CSMD1: variants seen among roughly 807,000 people sequenced by gnomAD.
The protein encoded by CSMD1 is CUB and Sushi multiple domains 1, also known as CUB and sushi domain-containing protein 1.
CSMD1 carries 213 observed loss-of-function variants against 417.5 expected under a neutral mutation model. The observed-to-expected ratio is 0.51, with a 90% CI of 0.46 to 0.57. The LOEUF (loss-of-function observed/expected upper bound fraction) is 0.57. Among genes scored for constraint, CSMD1 ranks in the 20% least tolerant of loss-of-function variants. The pLI, the probability that CSMD1 is intolerant of heterozygous loss-of-function variation, is 0.00. For synonymous variants in CSMD1, 2,862 were observed against 1,736.8 expected, an observed-to-expected ratio of 1.65 and a Z score of -16.11; for missense variants, 6,923 against 4,529.7, an observed-to-expected ratio of 1.53 and a Z score of -15.17.
intron 3 of CSMD1, among the ~76,000 whole-genome samples, chr8:4,415,882 T>C (rs80152563): frequency 0.048 from 7,375 of 152,228 alleles, 591 homozygotes; most frequent in African/African-American, 0.17. Context: ...AAACAGTGAG[T>C]GTATAAGGAT....
At chr8:3,358,117 T>C (rs1236986971) in intron 21 of CSMD1, among the ~76,000 whole-genome samples, 2 of 152,198 alleles carry the variant, frequency 1.3e-5, no homozygotes, top group East Asian at 3.9e-4. Flanking sequence ...TTATGCTAAG[T>C]GAACATGTTT....
chr8:3,773,738 T>C lies in CSMD1; in HGVS notation c.819-19696A>G, dbSNP rs552027996. Among the ~76,000 whole-genome samples the C allele has an allele frequency of 4.6e-5, 7 of 152,316 alleles. No individual in the cohort carries two copies. The East Asian group carries it at 1.4e-3, about 29-fold the overall frequency. On this transcript the variant is annotated intron_variant, in intron 5 of 69. Transcript: ENST00000635120. ...AAATTGATGATGAGGAGGGCAAGCATGATGGGCGGTGACACTAACCCAGAA... is the reference window on the plus strand; with the variant it reads ...AAATTGATGATGAGGAGGGCAAGCACGATGGGCGGTGACACTAACCCAGAA...
At chr8:3,328,569 T>G (rs1806688166) in intron 23 of CSMD1, among the ~76,000 whole-genome samples, 1 of 152,206 alleles carries the variant, frequency 6.6e-6, no homozygotes, top group Admixed American at 6.5e-5. Flanking sequence ...ACAGCAATGA[T>G]CAGTTTCAAT....
rs143491083 is a variant in CSMD1, at chr8:4,527,948, G to C, written c.303-107883C>G. On this transcript the variant is annotated intron_variant, in intron 2 of 69. Transcript: ENST00000635120. ...TCCTGAGGGTGTGCTGACTGGCCCA[G>C]GGCACTCTGGATTGTATTCAGTCTC... is the stretch of plus-strand genomic sequence containing the variant. Among the ~76,000 whole-genome samples, 245 of 152,246 alleles carry C rather than the reference G, an allele frequency of 1.6e-3. 1 individual carries two copies. Among genetic ancestry groups the C allele is most frequent in the African/African-American group, 5.7e-3 (236 of 41,540 alleles).
At chr8:3,904,291 G>A (rs1807960866) in intron 5 of CSMD1, among the ~76,000 whole-genome samples, 1 of 152,114 alleles carries the variant, frequency 6.6e-6, no homozygotes, top group Non-Finnish European at 1.5e-5. Context: ...TCTTCCTGGA[G>A]GACACCCCTT....
At chr8:4,864,311 G>A (rs189022424) in intron 1 of CSMD1, among the ~76,000 whole-genome samples, 8 of 151,498 alleles carry the variant, frequency 5.3e-5, no homozygotes, top group African/African-American at 7.3e-5. Context: ...AACTAAAAAA[G>A]GATGATGCCA....
At chr8:3,880,617 T>C (rs1806143482) in intron 5 of CSMD1, among the ~76,000 whole-genome samples, 1 of 152,232 alleles carries the variant, frequency 6.6e-6, no homozygotes, top group African/African-American at 2.4e-5. Context: ...GATTCTCCAT[T>C]TTAAATCTAG....
chr8:3,643,892 T>A (rs899060121), intron 7 of CSMD1, among the ~76,000 whole-genome samples: 1 of 152,198 alleles, frequency 6.6e-6, no homozygotes, highest in African/African-American at 2.4e-5. Context: ...TTTGATTTGC[T>A]ATCTGGGCAA....
chr8:4,463,578 A>G (rs947937104), intron 2 of CSMD1, among the ~76,000 whole-genome samples: 2 of 151,920 alleles, frequency 1.3e-5, no homozygotes, highest in African/African-American at 4.8e-5. Flanking sequence ...GAAATACAGA[A>G]GAAGTGAACT....
chr8:4,274,668 A>C (rs933964527), intron 3 of CSMD1, among the ~76,000 whole-genome samples: 1 of 152,154 alleles, frequency 6.6e-6, no homozygotes, highest in African/African-American at 2.4e-5. Context: ...TACTTAAAAT[A>C]AAATTAAATG....
At chr8:4,678,025 A>C (rs1393955736) in intron 1 of CSMD1, among the ~76,000 whole-genome samples, 1 of 152,208 alleles carries the variant, frequency 6.6e-6, no homozygotes, top group Non-Finnish European at 1.5e-5. Flanking sequence ...TATAAAACCA[A>C]ATGGGAACTA....
chr8:2,969,003 C>T (rs533575353), intron 57 of CSMD1, among the ~76,000 whole-genome samples: 13 of 151,968 alleles, frequency 8.6e-5, no homozygotes, highest in Non-Finnish European at 1.6e-4. Context: ...ATTTTGCATG[C>T]TACATGACAA....
At chr8:3,923,055 A>G (rs956991470) in intron 5 of CSMD1, among the ~76,000 whole-genome samples, 3 of 152,098 alleles carry the variant, frequency 2.0e-5, no homozygotes, top group Admixed American at 2.0e-4. Flanking sequence ...AAACAAGTTG[A>G]CCCTTTTGTG....
In CSMD1 at chr8:3,165,394, G is replaced by T. The variant is rs370822618; in HGVS notation, c.5726-3117C>A. 2.6e-5 allele frequency among the ~76,000 whole-genome samples: 4 copies of T among 151,932 alleles called. No homozygotes were observed. The East Asian group carries it at 5.8e-4, about 22-fold the overall frequency. ...CACTAGGAGTAATTCAAGTCATCAT[G>T]AGAACAGTGGTTTTTAATTTTTATT... On this transcript the variant is annotated intron_variant, in intron 37 of 69. Coordinates refer to ENST00000635120, the MANE Select transcript of CSMD1 (RefSeq NM_033225.6).
intron 6 of CSMD1, among the ~76,000 whole-genome samples, chr8:3,711,059 G>A (rs928738062): frequency 1.3e-5 from 2 of 152,132 alleles, no homozygotes; most frequent in African/African-American, 4.8e-5. Flanking sequence ...CCAAGTCTGA[G>A]ATATTTTCCT....
intron 11 of CSMD1, among the ~76,000 whole-genome samples, chr8:3,480,408 G>A (rs982292492): frequency 2.0e-5 from 3 of 152,002 alleles, no homozygotes; most frequent in Admixed American, 2.0e-4. Flanking sequence ...AGCTTCAGAG[G>A]CCTGTGGGAC....
chr8:3,280,883 C>A (rs531942686), intron 26 of CSMD1, among the ~76,000 whole-genome samples: 2 of 152,142 alleles, frequency 1.3e-5, no homozygotes, highest in East Asian at 3.9e-4. Context: ...GAAAGATGTT[C>A]TCTGAAGAGA....
intron 1 of CSMD1, chr8:4,787,983 C>T (rs1356361989): frequency 1.9e-6 from 3 of 1,594,296 alleles, no homozygotes; most frequent in South Asian, 1.1e-5. Context: ...TCGAAGCCAA[C>T]AGAAAGACAA....
intron 38 of CSMD1, among the ~76,000 whole-genome samples, chr8:3,161,897 T>C (rs574247389): frequency 3.1e-4 from 47 of 152,200 alleles, no homozygotes; most frequent in Non-Finnish European, 6.2e-4. Flanking sequence ...GAATGCTCTG[T>C]GCATAGTTAT....
Sources: allele counts gnomAD v4.1 joint callset (sites outside exome capture counted in the v4.1 genomes callset), GRCh38; gene constraint gnomAD v4.1.1; transcripts MANE v1.5; gene names NCBI Gene and HGNC (gene_info 2026-07-23, HGNC 2026-07-21).